LPP: variants seen among roughly 807,000 people sequenced by gnomAD.
LPP encodes LIM domain containing preferred translocation partner in lipoma.
In LPP, 38 loss-of-function variants were observed where a neutral mutation model predicts 60.4. That is an observed-to-expected ratio of 0.63 (90% CI 0.49 to 0.83). The LOEUF is 0.83. Among genes scored for constraint, LPP ranks in the 40% least tolerant of loss-of-function variants. The pLI, the probability that LPP is intolerant of heterozygous loss-of-function variation, is 0.00. For missense variants in LPP, 902 were observed against 783.6 expected, an observed-to-expected ratio of 1.15 and a Z score of -1.80; for synonymous variants, 328 against 290.8, an observed-to-expected ratio of 1.13 and a Z score of -1.30.
chr3:188,651,479 A>T (rs1852066812), intron 7 of LPP, among the ~76,000 whole-genome samples: 1 of 152,220 alleles, frequency 6.6e-6, no homozygotes, highest in Non-Finnish European at 1.5e-5. Context: ...TAGAAGCTTC[A>T]ACTCTATCTT....
intron 1 of LPP, among the ~76,000 whole-genome samples, chr3:188,194,716 T>C (rs1729055886): frequency 6.6e-6 from 1 of 152,242 alleles, no homozygotes; most frequent in Non-Finnish European, 1.5e-5. Context: ...TTGAAATGTA[T>C]ATTACAAGCT....
At chr3:188,249,899 A>G (rs1466000422) in intron 2 of LPP, among the ~76,000 whole-genome samples, 2 of 120,378 alleles carry the variant, frequency 1.7e-5, no homozygotes, top group Admixed American at 7.8e-5. Context: ...ATATATATAT[A>G]TATTTTTTTT....
chr3:188,306,162 C>T (rs999597145), intron 2 of LPP, among the ~76,000 whole-genome samples: 1 of 152,106 alleles, frequency 6.6e-6, no homozygotes, highest in African/African-American at 2.4e-5. Flanking sequence ...TTTACTGCAA[C>T]CTGTGCCTCC....
intron 4 of LPP, among the ~76,000 whole-genome samples, chr3:188,464,302 G>C (rs981708451): frequency 6.6e-6 from 1 of 152,136 alleles, no homozygotes; most frequent in African/African-American, 2.4e-5. Context: ...GTAGCTGCTA[G>C]CCCCATGTGA....
At chr3:188,606,693 G>A (rs2151305585) in intron 6 of LPP, among the ~76,000 whole-genome samples, 1 of 152,146 alleles carries the variant, frequency 6.6e-6, no homozygotes, top group East Asian at 1.9e-4. Flanking sequence ...ACTCAGTTAA[G>A]ACTCCAACAT....
At position 188,772,551 on chromosome 3, in the gene LPP, G is replaced by A. The variant is rs145023123; in HGVS notation, c.1410+12269G>A. On this transcript the variant is annotated intron_variant, in intron 9 of 11. Transcript: ENST00000617246. The stretch of plus-strand genomic sequence containing the variant: ...ACTCTGTAGCCCAGGCTGGAGTGCA[G>A]TGGCGCCATCTTGGCTCACTGCAAC... 5.2e-3 allele frequency among the ~76,000 whole-genome samples: 784 copies of A among 152,114 alleles called. 7 individuals carry two copies. Among genetic ancestry groups the A allele is most frequent in the East Asian group, 0.012 (61 of 5,156 alleles).
intron 6 of LPP, among the ~76,000 whole-genome samples, chr3:188,550,629 G>A (rs59477669): frequency 1.6e-3 from 244 of 148,140 alleles, no homozygotes; most frequent in African/African-American, 4.3e-3. Flanking sequence ...ATTAACCATA[G>A]TGATCATGCC....
intron 6 of LPP, among the ~76,000 whole-genome samples, chr3:188,561,410 C>T (rs891750960): frequency 1.3e-5 from 2 of 152,024 alleles, no homozygotes; most frequent in African/African-American, 2.4e-5. Context: ...TGAATTTTCT[C>T]CTCTCTCCTT....
At chr3:188,556,618 A>G (rs1293671549) in intron 6 of LPP, among the ~76,000 whole-genome samples, 2 of 150,648 alleles carry the variant, frequency 1.3e-5, no homozygotes, top group Admixed American at 1.3e-4. Context: ...TTTTGGTTTG[A>G]TTTTTTTTCA....
chr3:188,664,364 C>T (rs1032195799), intron 7 of LPP, among the ~76,000 whole-genome samples: 19 of 152,094 alleles, frequency 1.2e-4, no homozygotes, highest in Non-Finnish European at 2.4e-4. Context: ...TAGAAGATAT[C>T]CCATAGCCTT....
At chr3:188,409,054 G>T (rs1192912072) in intron 4 of LPP, among the ~76,000 whole-genome samples, 4 of 152,164 alleles carry the variant, frequency 2.6e-5, no homozygotes, top group Non-Finnish European at 5.9e-5. Flanking sequence ...AGGAATGGTT[G>T]CATATGGTCA....
At chr3:188,546,168 T>C (rs150694137) in intron 6 of LPP, among the ~76,000 whole-genome samples, 9 of 152,284 alleles carry the variant, frequency 5.9e-5, no homozygotes, top group African/African-American at 1.9e-4. Context: ...AGATGGTAAG[T>C]AACTTGCCTA....
At chr3:188,277,963 A>C (rs6779319) in intron 2 of LPP, among the ~76,000 whole-genome samples, 110,498 of 152,142 alleles carry the variant, frequency 0.73, 41,310 homozygotes, top group African/African-American at 0.9. Flanking sequence ...AAAATCATTT[A>C]TTCTCCATTC....
intron 2 of LPP, among the ~76,000 whole-genome samples, chr3:188,265,199 T>G (rs1735053101): frequency 6.6e-6 from 1 of 152,152 alleles, no homozygotes; most frequent in African/African-American, 2.4e-5. Flanking sequence ...TGTTGTTGTT[T>G]GTTTTGTTTT....
chr3:188,237,322 T>C (rs1722272827), intron 2 of LPP, among the ~76,000 whole-genome samples: 1 of 152,202 alleles, frequency 6.6e-6, no homozygotes, highest in Non-Finnish European at 1.5e-5. Context: ...CCATGAGGAT[T>C]GGAATAAATT....
intron 7 of LPP, among the ~76,000 whole-genome samples, chr3:188,654,148 T>C (rs540116009): frequency 3.9e-5 from 6 of 152,356 alleles, no homozygotes; most frequent in African/African-American, 1.4e-4. Context: ...TTTATAGCTC[T>C]GTGGTTTACA....
intron 1 of LPP, among the ~76,000 whole-genome samples, chr3:188,201,689 AGAGT>A (rs1364831850): frequency 6.6e-6 from 1 of 152,174 alleles, no homozygotes; most frequent in East Asian, 1.9e-4. Context: ...CCTGGGTGAC[AGAGT>A]GAGATTCCAT....
chr3:188,273,886 T>G (rs951524227), intron 2 of LPP, among the ~76,000 whole-genome samples: 4 of 152,138 alleles, frequency 2.6e-5, no homozygotes, highest in Non-Finnish European at 4.4e-5. Context: ...TGAGCCACCA[T>G]GTCTGGCCGT....
intron 2 of LPP, among the ~76,000 whole-genome samples, chr3:188,334,358 T>C (rs961806942): frequency 5.0e-5 from 5 of 100,544 alleles, no homozygotes; most frequent in African/African-American, 1.8e-4. Flanking sequence ...ATTGAAAATG[T>C]TTTTTTTTTT....
Sources: gnomAD v4.1 joint callset for allele counts (sites outside exome capture counted in the v4.1 genomes callset) on GRCh38, gnomAD v4.1.1 for gene constraint, MANE v1.5 for transcripts, NCBI Gene and HGNC (gene_info 2026-07-23, HGNC 2026-07-21) for gene names.